The following TLK2 variants were observed in gnomAD, a reference collection of about 807,000 sequenced individuals.
TLK2 encodes tousled like kinase 2.
A neutral mutation model predicts 117.3 loss-of-function variants in TLK2; 6 were observed. The ratio of observed to expected loss-of-function variants is 0.05; its 90% CI spans 0.03 to 0.10. The LOEUF (loss-of-function observed/expected upper bound fraction) is 0.10. TLK2 is among the 10% of genes least tolerant of loss of function. The pLI is 1.00. For missense variants in TLK2, 299 were observed against 901.2 expected, an observed-to-expected ratio of 0.33 and a Z score of 8.56; for synonymous variants, 257 against 316.7, an observed-to-expected ratio of 0.81 and a Z score of 2.00.
intron 6 of TLK2, among the ~76,000 whole-genome samples, chr17:62,529,408 T>C (rs1333038666): frequency 6.6e-6 from 1 of 152,098 alleles, no homozygotes; most frequent in African/African-American, 2.4e-5. Flanking sequence ...AGATAATCTT[T>C]TTGTATTTTT....
At chr17:62,521,169 GAT>G (rs1188311574) in intron 3 of TLK2, among the ~76,000 whole-genome samples, 1 of 152,098 alleles carries the variant, frequency 6.6e-6, no homozygotes, top group East Asian at 1.9e-4. Flanking sequence ...TCACAGAAAA[GAT>G]AGCACTGCTT....
rs140250985 is a variant in TLK2 at position 62,575,853 on chromosome 17, T to C, written c.1122-856T>C. Reference sequence around the variant, plus strand: ...CTGGGACTACAGGCATGTGCCACCATGCCCAGCTTCTTTCTTCTTTTTTTC... The same window carrying C: ...CTGGGACTACAGGCATGTGCCACCACGCCCAGCTTCTTTCTTCTTTTTTTC... On this transcript the variant is annotated intron_variant, in intron 12 of 21. Coordinates refer to ENST00000346027, the MANE Select transcript of TLK2 (RefSeq NM_006852.6). 3.5e-3 allele frequency among the ~76,000 whole-genome samples: 526 copies of C among 152,224 alleles called. 6 individuals are homozygous for C. The highest frequency in any genetic ancestry group is 0.012 in the African/African-American group (510 of 41,520).
chr17:62,589,066 G>A (rs2081878078), intron 16 of TLK2, among the ~76,000 whole-genome samples: 1 of 152,014 alleles, frequency 6.6e-6, no homozygotes, highest in Non-Finnish European at 1.5e-5. Flanking sequence ...AAAATAAAAG[G>A]TGTTTGTTTT....
chr17:62,493,118 G>GA (rs1328559125), intron 2 of TLK2, among the ~76,000 whole-genome samples: 2 of 151,734 alleles, frequency 1.3e-5, no homozygotes, highest in African/African-American at 2.4e-5. Flanking sequence ...CAATGACAAC[G>GA]AAAAAACCTC....
At chr17:62,490,777 G>A in intron 2 of TLK2, among the ~76,000 whole-genome samples, 1 of 152,116 alleles carries the variant, frequency 6.6e-6, no homozygotes, top group Non-Finnish European at 1.5e-5. Flanking sequence ...CCTGACCTCA[G>A]GTGATCCACC....
intron 7 of TLK2, among the ~76,000 whole-genome samples, chr17:62,541,912 G>A (rs28549067): frequency 0.016 from 2,418 of 152,232 alleles, 62 homozygotes; most frequent in African/African-American, 0.055. Flanking sequence ...CTAGCTCCCA[G>A]TATGAAGACT....
rs543130326 is a variant in TLK2, at chr17:62,614,180, T to G, written c.*1615T>G. 1.3e-5 allele frequency: 2 copies of G among 151,920 alleles called. No individual in the cohort carries two copies. Among genetic ancestry groups the G allele is most frequent in the South Asian group, 4.2e-4 (2 of 4,804 alleles). 9.4% of individuals were successfully genotyped at this position (151,920 alleles called of 1,614,324 possible). A position where few individuals can be genotyped will look rare whatever the true frequency, so the allele number is the denominator to read the frequency against. ...GATGTTTCAAATATGAACATTCTTTTGGCACCAATTTTCTTTTTTAATTTG... is the reference window on the plus strand; with the variant it reads ...GATGTTTCAAATATGAACATTCTTTGGGCACCAATTTTCTTTTTTAATTTG... On this transcript the variant is annotated 3_prime_UTR_variant, in exon 22 of 22. Transcript: ENST00000346027.
At chr17:62,527,359 C>T (rs769989448) in intron 6 of TLK2, among the ~76,000 whole-genome samples, 21 of 152,082 alleles carry the variant, frequency 1.4e-4, no homozygotes, top group Non-Finnish European at 2.5e-4. Context: ...CATATTTATA[C>T]GTACAGAAGA....
chr17:62,480,912 G>T lies in TLK2; in HGVS notation c.-5-209G>T, dbSNP rs1344628015. Among the ~76,000 whole-genome samples the T allele has an allele frequency of 2.6e-5, 4 of 152,190 alleles. No homozygotes were observed. The South Asian group carries it at 6.2e-4, about 24-fold the overall frequency. On this transcript the variant is annotated intron_variant, in intron 1 of 21. Coordinates refer to ENST00000346027, the MANE Select transcript of TLK2 (RefSeq NM_006852.6). ...TAGGGAAGAAAAAGTGGCTGTCATA[G>T]AAGAGGACTTCTGAGCTGCTTTAAA...
chr17:62,561,722 A>T (rs893964146), intron 10 of TLK2, among the ~76,000 whole-genome samples: 5 of 152,248 alleles, frequency 3.3e-5, no homozygotes, highest in Non-Finnish European at 7.3e-5. Flanking sequence ...TCTTTGACTC[A>T]TTAATCAACT....
intron 18 of TLK2, among the ~76,000 whole-genome samples, chr17:62,601,373 C>CT (rs1450073877): frequency 6.6e-6 from 1 of 152,168 alleles, no homozygotes; most frequent in Non-Finnish European, 1.5e-5. Context: ...ATAGACAACT[C>CT]TAACAGCTTA....
chr17:62,472,334 C>T (rs2070958218), intron 1 of TLK2, among the ~76,000 whole-genome samples: 1 of 152,184 alleles, frequency 6.6e-6, no homozygotes. Context: ...CAGCGCCTGT[C>T]TGTGGGGAGC....
rs184201458 is a variant in TLK2, at chr17:62,486,458, C to G, written c.81+5252C>G. Among the ~76,000 whole-genome samples the G allele has an allele frequency of 3.5e-3, 526 of 152,170 alleles. 3 individuals carry two copies. Among genetic ancestry groups the G allele is most frequent in the African/African-American group, 0.012 (491 of 41,520 alleles). On this transcript the variant is annotated intron_variant, in intron 2 of 21. Coordinates refer to ENST00000346027, the MANE Select transcript of TLK2 (RefSeq NM_006852.6). ...GACAGGCGTGAGCCACCGCGCCTGG[C>G]CTGTCCTACCTCTTTTTAAAGACCT...
At chr17:62,484,182 T>G (rs1169431945) in intron 2 of TLK2, among the ~76,000 whole-genome samples, 2 of 152,060 alleles carry the variant, frequency 1.3e-5, no homozygotes, top group East Asian at 3.9e-4. Flanking sequence ...TTACAATGAA[T>G]TTGTTATTTG....
At chr17:62,561,725 A>T (rs1341698600) in intron 10 of TLK2, among the ~76,000 whole-genome samples, 1 of 152,240 alleles carries the variant, frequency 6.6e-6, no homozygotes, top group East Asian at 1.9e-4. Context: ...TTGACTCATT[A>T]ATCAACTTTA....
rs572000997 is a variant in TLK2, at chr17:62,584,107, GTTTTTTTTTTTTTT to G, written c.1369-2016_1369-2003del. Among the ~76,000 whole-genome samples the G allele has an allele frequency of 3.8e-5, 3 of 78,530 alleles. No individual in the cohort carries two copies. The South Asian group carries it at 1.8e-3, about 47-fold the overall frequency. The allele number at this position is 78,530 out of a possible 152,430, so 51.5% of individuals were successfully genotyped here. ...GTATTTAATGTTTTTTTCTTTTGTG[GTTTTTTTTTTTTTT>G]TTTTTTTTTTTGATACGGAATCTCG... On this transcript the variant is annotated intron_variant, in intron 15 of 21. Coordinates refer to ENST00000346027, the MANE Select transcript of TLK2 (RefSeq NM_006852.6).
chr17:62,479,151 C>G lies in TLK2; in HGVS notation c.-145C>G, dbSNP rs1167266413. 2 of 150,822 alleles carry G rather than the reference C, an allele frequency of 1.3e-5. No homozygotes were observed. The highest frequency in any genetic ancestry group is 4.9e-5 in the African/African-American group (2 of 41,224). The allele number at this position is 150,822 out of a possible 1,614,324, so 9.3% of individuals were successfully genotyped here. On this transcript the variant is annotated 5_prime_UTR_variant, in exon 1 of 22. Coordinates refer to ENST00000346027, the MANE Select transcript of TLK2 (RefSeq NM_006852.6). ...GAGCCCGGCGCCGGCGGCGGCTGCC[C>G]GGGCGGGGGGTTGCGGCGCTCAGGA...
upstream of TLK2, among the ~76,000 whole-genome samples, chr17:62,476,582 CCAAAA>C (rs1269020421): frequency 1.0e-5 from 1 of 97,734 alleles, no homozygotes; most frequent in Non-Finnish European, 2.4e-5. Context: ...GACTCTGTCA[CCAAAA>C]TAAAATAAAA....
chr17:62,493,073 G>A (rs1394101814), intron 2 of TLK2, among the ~76,000 whole-genome samples: 1 of 152,076 alleles, frequency 6.6e-6, no homozygotes, highest in African/African-American at 2.4e-5. Context: ...CTCCAGTCTA[G>A]TCGACAAAGC....
Sources: allele counts gnomAD v4.1 joint callset (sites outside exome capture counted in the v4.1 genomes callset), GRCh38; gene constraint gnomAD v4.1.1; transcripts MANE v1.5; gene names NCBI Gene and HGNC (gene_info 2026-07-23, HGNC 2026-07-21).